Variants in FREM2 observed in about 807,000 individuals in gnomAD.
FREM2 encodes the protein FRAS1-related extracellular matrix protein 2.
Under a neutral mutation model 219.9 loss-of-function variants are expected in FREM2, and 119 were observed. The ratio of observed to expected loss-of-function variants is 0.54; its 90% CI spans 0.47 to 0.63. The LOEUF (loss-of-function observed/expected upper bound fraction) is 0.63, where lower values mean the gene tolerates loss of function less well. FREM2 is among the 30% of genes least tolerant of loss of function. The probability of loss-of-function intolerance (pLI) is 0.00; values close to 1 mark genes in which losing one functional copy is unlikely to be tolerated. For missense variants in FREM2, 4,030 were observed against 3,993.6 expected, an observed-to-expected ratio of 1.01 and a Z score of -0.25; for synonymous variants, 1,562 against 1,522.8, an observed-to-expected ratio of 1.03 and a Z score of -0.60.
intron 6 of FREM2, among the ~76,000 whole-genome samples, chr13:38,815,344 G>A (rs1462038741): frequency 1.3e-5 from 2 of 151,948 alleles, no homozygotes; most frequent in East Asian, 1.9e-4. Flanking sequence ...TTGTTCCCTT[G>A]TAGAAGGCAA....
In FREM2 at chr13:38,841,618, G is replaced by A. The variant is rs144536763; in HGVS notation, c.6020-4955G>A. Among the ~76,000 whole-genome samples the A allele has an allele frequency of 4.0e-5, 6 of 150,800 alleles. No individual in the cohort carries two copies. The East Asian group carries it at 9.7e-4, about 24-fold the overall frequency. ...CATTTTGATTCACTTTTCCTTCCTCGTGAATTTCTTGCCGATTCGAAGGGC... is the reference window on the plus strand; with the variant it reads ...CATTTTGATTCACTTTTCCTTCCTCATGAATTTCTTGCCGATTCGAAGGGC... On this transcript the variant is annotated intron_variant, in intron 6 of 23. Coordinates refer to ENST00000280481, the MANE Select transcript of FREM2 (RefSeq NM_207361.6).
intron 11 of FREM2, among the ~76,000 whole-genome samples, chr13:38,855,028 T>C (rs1316660599): frequency 1.3e-5 from 2 of 152,174 alleles, no homozygotes; most frequent in African/African-American, 4.8e-5. Flanking sequence ...ACAAAATAGT[T>C]TATCCATGGT....
Position 38,850,058 on chromosome 13 carries a change from G to T in FREM2, c.6400G>T (p.Glu2134Ter). ...VSDLPKMQFK[E>*]RIYTGSESDG... The stretch of plus-strand genomic sequence containing the variant: ...TGCAGTGCCTAAGATGCAATTCAAA[G>T]AACGAATATATACTGGCAGCGAAAG... Residue 2134 changes from glutamate (E) to a stop codon, truncating the protein, a stop_gained, in exon 9 of 24, where the codon GAA becomes TAA. Coordinates refer to ENST00000280481, the MANE Select transcript of FREM2 (RefSeq NM_207361.6). LOFTEE classifies it high-confidence loss of function. The T allele has an allele frequency of 6.2e-7, 1 of 1,613,866 alleles. No individual in the cohort carries two copies. The highest frequency in any genetic ancestry group is 2.2e-5 in the East Asian group (1 of 44,852).
At position 38,692,232 on chromosome 13, in the gene FREM2, G is replaced by A; in HGVS notation, c.4888G>A (p.Val1630Ile). 1.2e-6 allele frequency: 2 copies of A among 1,614,188 alleles called. No homozygotes were observed. The highest frequency in any genetic ancestry group is 8.5e-7 in the Non-Finnish European group (1 of 1,180,032). Residue 1630 changes from valine to isoleucine, a missense_variant, in exon 1 of 24, where the codon GTT becomes ATT. Val to Ile is a conservative substitution (Grantham distance 29). Transcript: ENST00000280481. ...VTDGTHTDFY[V>I]FPDTVFETRR... is the part of the protein sequence containing the mutation. ...TGATGGCACCCATACAGACTTCTAT[G>A]TTTTTCCTGATACGGTGTTTGAAAC...
rs370926597 is a variant in FREM2 at position 38,688,433 on chromosome 13, C to G, written c.1089C>G (p.Phe363Leu). ...TGATCTTCAACCTTACTTCTCCATT[C>G]CAGCCTGGCCAGGGCTACTTGGTGA... ...DLLIFNLTSP[F>L]QPGQGYLVST... Residue 363 changes from phenylalanine (F) to leucine (L), a missense_variant, in exon 1 of 24, where the codon TTC becomes TTG. Transcript: ENST00000280481. The G allele has an allele frequency of 6.2e-7, 1 of 1,613,862 alleles. No homozygotes were observed. The highest frequency in any genetic ancestry group is 8.5e-7 in the Non-Finnish European group (1 of 1,179,948).
At chr13:38,736,385 T>C (rs951939579) in intron 2 of FREM2, among the ~76,000 whole-genome samples, 7 of 152,206 alleles carry the variant, frequency 4.6e-5, no homozygotes, top group Non-Finnish European at 1.0e-4. Flanking sequence ...ATGATTTTAT[T>C]AACTGATAGA....
At chr13:38,821,578 T>C (rs1167783282) in intron 6 of FREM2, 1 of 152,136 alleles carries the variant, frequency 6.6e-6, no homozygotes, top group Non-Finnish European at 1.5e-5. Context: ...AACAGGTCTT[T>C]TTTCTGTCTC....
intron 2 of FREM2, among the ~76,000 whole-genome samples, chr13:38,754,165 A>C (rs948074996): frequency 4.0e-4 from 61 of 152,016 alleles, no homozygotes; most frequent in African/African-American, 1.4e-3. Context: ...TTTGGCTCCA[A>C]ATTAATTCAT....
intron 3 of FREM2, among the ~76,000 whole-genome samples, chr13:38,765,196 C>T (rs1341586607): frequency 1.3e-5 from 2 of 152,186 alleles, no homozygotes; most frequent in Non-Finnish European, 2.9e-5. Flanking sequence ...AGGCGTGAGC[C>T]ACCGCGCCCG....
intron 14 of FREM2, among the ~76,000 whole-genome samples, chr13:38,859,973 G>A (rs1479219010): frequency 6.6e-6 from 1 of 152,086 alleles, no homozygotes; most frequent in East Asian, 1.9e-4. Flanking sequence ...AAGAGGGGAG[G>A]CTCAAGCTGA....
rs192076451 is a variant in FREM2, at chr13:38,789,928, C to A, written c.6019+5120C>A. Among the ~76,000 whole-genome samples, 182 of 151,868 alleles carry A rather than the reference C, an allele frequency of 1.2e-3. 3 individuals are homozygous for A. The highest frequency in any genetic ancestry group is 0.011 in the Admixed American group (166 of 15,258). On this transcript the variant is annotated intron_variant, in intron 6 of 23. Coordinates refer to ENST00000280481, the MANE Select transcript of FREM2 (RefSeq NM_207361.6). Reference sequence around the variant, plus strand: ...GCTTCTTGTTCATGGTATATTACTTCCTTGCATATAATAATTTTGTCTTAT... The same window carrying A: ...GCTTCTTGTTCATGGTATATTACTTACTTGCATATAATAATTTTGTCTTAT...
intron 2 of FREM2, among the ~76,000 whole-genome samples, chr13:38,709,986 TACACAC>T (rs59108347): frequency 0.15 from 19,673 of 130,182 alleles, 1,559 homozygotes; most frequent in Non-Finnish European, 0.19. Flanking sequence ...TAACTAAAAA[TACACAC>T]ACACACACAC....
chr13:38,772,889 G>C (rs1428347504), intron 4 of FREM2, among the ~76,000 whole-genome samples: 1 of 151,860 alleles, frequency 6.6e-6, no homozygotes, highest in African/African-American at 2.4e-5. Flanking sequence ...TAGAGACGGG[G>C]TTTCACCACG....
intron 2 of FREM2, among the ~76,000 whole-genome samples, chr13:38,759,025 C>A (rs1873127883): frequency 6.6e-6 from 1 of 152,132 alleles, no homozygotes; most frequent in African/African-American, 2.4e-5. Context: ...AGAGTGACAC[C>A]ATGTCTCTAA....
At chr13:38,831,504 T>A in intron 6 of FREM2, among the ~76,000 whole-genome samples, 1 of 152,158 alleles carries the variant, frequency 6.6e-6, no homozygotes. Context: ...TGACTTTTCT[T>A]TACTCTCCCT....
intron 2 of FREM2, among the ~76,000 whole-genome samples, chr13:38,699,927 T>TG (rs1870276108): frequency 6.6e-6 from 1 of 152,070 alleles, no homozygotes. Context: ...AGTAGGCATA[T>TG]CTATAAGTCA....
At chr13:38,841,895 T>C (rs75584831) in intron 6 of FREM2, among the ~76,000 whole-genome samples, 1,645 of 152,318 alleles carry the variant, frequency 0.011, 39 homozygotes, top group African/African-American at 0.037. Context: ...AGAGGAAGCT[T>C]GATTCCTCCA....
intron 2 of FREM2, among the ~76,000 whole-genome samples, chr13:38,718,278 G>A (rs2138104158): frequency 6.6e-6 from 1 of 152,236 alleles, no homozygotes; most frequent in Non-Finnish European, 1.5e-5. Flanking sequence ...TAAGAGATGA[G>A]CTACTAAATG....
At position 38,687,122 on chromosome 13, in the gene FREM2, C is replaced by T. The variant is rs1211515045; in HGVS notation, c.-223C>T. On this transcript the variant is annotated 5_prime_UTR_variant, in exon 1 of 24. Transcript: ENST00000280481. ...CTCCGCGCGATTGAGGCGCTAGCGG[C>T]GGAGCTGGACGGCCTGGGAAGGCTT... 1.7e-6 allele frequency: 1 copy of T among 601,222 alleles called. No individual in the cohort carries two copies. 37.2% of individuals were successfully genotyped at this position (601,222 alleles called of 1,614,324 possible). A position where few individuals can be genotyped will look rare whatever the true frequency, so the allele number is the denominator to read the frequency against.
Sources: gnomAD v4.1 joint callset for allele counts (sites outside exome capture counted in the v4.1 genomes callset) on GRCh38, gnomAD v4.1.1 for gene constraint, MANE v1.5 for transcripts, NCBI Gene and HGNC (gene_info 2026-07-23, HGNC 2026-07-21) for gene names.